Variants in TMC1 observed in about 807,000 individuals in gnomAD.
The protein encoded by TMC1 is transmembrane channel like 1.
TMC1 carries 84 observed loss-of-function variants against 105.8 expected under a neutral mutation model. That is an observed-to-expected ratio of 0.79 (90% confidence interval 0.67 to 0.95). The LOEUF is 0.95. TMC1 is among the 40% of genes least tolerant of loss of function. The pLI, the probability that TMC1 is intolerant of heterozygous loss-of-function variation, is 0.00. For synonymous variants in TMC1, 315 were observed against 311.5 expected, an observed-to-expected ratio of 1.01 and a Z score of -0.12; for missense variants, 817 against 914.1, an observed-to-expected ratio of 0.89 and a Z score of 1.37.
At chr9:72,753,450 GA>G (rs1362816831) in intron 11 of TMC1, among the ~76,000 whole-genome samples, 1 of 152,098 alleles carries the variant, frequency 6.6e-6, no homozygotes, top group Non-Finnish European at 1.5e-5. Context: ...TCCATGTGGA[GA>G]AAATGAAAGG....
rs1828864557 is a variant in TMC1, at chr9:72,821,080, A to G, written c.2002A>G (p.Ser668Gly). 1.2e-6 allele frequency: 2 copies of G among 1,614,094 alleles called. No individual in the cohort carries two copies. Among genetic ancestry groups the G allele is most frequent in the Non-Finnish European group, 1.7e-6 (2 of 1,180,010 alleles). Residue 668 changes from serine to glycine, a missense_variant and splice_region_variant, in exon 20 of 24, where the codon AGT becomes GGT. Physicochemically the swap from Ser to Gly is moderately conservative, Grantham distance 56. Coordinates refer to ENST00000297784, the MANE Select transcript of TMC1 (RefSeq NM_138691.3). ...LPPSFDCGPF[S>G]GKNRMFEVIG... ...ACCATCTTTTGATTGTGGTCCATTC[A>G]GGTCTCTTGCTTTTGAAATTTGACT...
chr9:72,593,309 TG>T (rs1310867032), intron 2 of TMC1, among the ~76,000 whole-genome samples: 2 of 151,660 alleles, frequency 1.3e-5, no homozygotes, highest in Non-Finnish European at 2.9e-5. Context: ...GAGGCCATGG[TG>T]GAAGGATCGC....
At chr9:72,685,273 AT>A (rs1252267421) in intron 5 of TMC1, among the ~76,000 whole-genome samples, 1 of 150,190 alleles carries the variant, frequency 6.7e-6, no homozygotes, top group African/African-American at 2.5e-5. Flanking sequence ...CACCCGGATA[AT>A]TTTTTATATT....
chr9:72,762,783 C>A (rs149322271), intron 12 of TMC1, among the ~76,000 whole-genome samples: 1 of 152,124 alleles, frequency 6.6e-6, no homozygotes, highest in African/African-American at 2.4e-5. Context: ...AGGCATGTAA[C>A]GCTGGGACTG....
At chr9:72,717,560 A>G (rs985724180) in intron 8 of TMC1, among the ~76,000 whole-genome samples, 2 of 152,146 alleles carry the variant, frequency 1.3e-5, no homozygotes, top group African/African-American at 2.4e-5. Flanking sequence ...TCATTTATGA[A>G]GCTTAGGATA....
intron 8 of TMC1, among the ~76,000 whole-genome samples, chr9:72,729,208 A>G (rs1234032925): frequency 2.0e-5 from 3 of 152,124 alleles, no homozygotes; most frequent in African/African-American, 7.2e-5. Flanking sequence ...TAGAGAAAAA[A>G]AATTCCCTTA....
intron 13 of TMC1, among the ~76,000 whole-genome samples, chr9:72,775,276 T>C (rs955685582): frequency 6.6e-5 from 10 of 151,934 alleles, no homozygotes; most frequent in Non-Finnish European, 1.5e-5. Context: ...TCCTTTTCTT[T>C]CCAGGTCAGT....
chr9:72,821,031 C>A lies in TMC1; in HGVS notation c.1953C>A (p.Val651=). The part of the protein sequence containing the change: ...LLILFLSTMP[V]LYMIVSLPPS... ...TCCTCTTCCTGTCCACAATGCCTGT[C>A]TTGTACATGATCGTGTCCCTCCCAC... is the stretch of plus-strand genomic sequence containing the variant. The change falls in exon 20 of 24, where the codon GTC becomes GTA. Residue 651 remains valine, a synonymous_variant. Transcript: ENST00000297784. 6.2e-7 allele frequency: 1 copy of A among 1,614,186 alleles called. No individual in the cohort carries two copies.
At chr9:72,550,531 G>A (rs1016590992) in intron 1 of TMC1, among the ~76,000 whole-genome samples, 5 of 151,904 alleles carry the variant, frequency 3.3e-5, no homozygotes, top group Admixed American at 2.0e-4. Context: ...GCTGGCGGGC[G>A]CCTGTAATCC....
intron 4 of TMC1, among the ~76,000 whole-genome samples, chr9:72,637,712 C>T (rs1258422803): frequency 6.6e-6 from 1 of 152,138 alleles, no homozygotes. Flanking sequence ...TGTGTTTTGA[C>T]AGTTTGCCTG....
At chr9:72,725,346 T>TACATAC (rs1186566056) in intron 8 of TMC1, among the ~76,000 whole-genome samples, 1 of 122,160 alleles carries the variant, frequency 8.2e-6, no homozygotes, top group African/African-American at 3.2e-5. Flanking sequence ...TATATATATA[T>TACATAC]ATATATATAT....
chr9:72,783,915 A>T (rs1253319634), intron 13 of TMC1, among the ~76,000 whole-genome samples: 1 of 152,226 alleles, frequency 6.6e-6, no homozygotes, highest in African/African-American at 2.4e-5. Context: ...ACTTAAATGT[A>T]AAATCGAAAA....
chr9:72,587,160 C>CT (rs34700845), intron 2 of TMC1, among the ~76,000 whole-genome samples: 4,889 of 144,912 alleles, frequency 0.034, 106 homozygotes, highest in African/African-American at 0.048. Context: ...TAACAGATAA[C>CT]TTTTTTTTTT....
rs1049300113 is a variant in TMC1, at chr9:72,833,503, A to G, written c.2261-2448A>G. ...CATCCTTTCATTTTTCTTCACTGTC[A>G]TTCAACAGGATCTCTGTCACTTTAT... On this transcript the variant is annotated intron_variant, in intron 23 of 23. Coordinates refer to ENST00000297784, the MANE Select transcript of TMC1 (RefSeq NM_138691.3). Among the ~76,000 whole-genome samples, 4 of 152,236 alleles carry G rather than the reference A, an allele frequency of 2.6e-5. No homozygotes were observed. In the East Asian group the frequency reaches 5.8e-4, roughly 22 times the overall value.
At chr9:72,647,158 A>G (rs1315809103) in intron 4 of TMC1, among the ~76,000 whole-genome samples, 20 of 151,408 alleles carry the variant, frequency 1.3e-4, no homozygotes, top group South Asian at 4.2e-4. Flanking sequence ...AAAAAAAAAA[A>G]AGAGAGAGAA....
chr9:72,627,125 T>C (rs1302921313), intron 3 of TMC1, among the ~76,000 whole-genome samples: 1 of 151,856 alleles, frequency 6.6e-6, no homozygotes, highest in African/African-American at 2.4e-5. Flanking sequence ...TCATTTAAAA[T>C]AGTACCCAGT....
intron 10 of TMC1, among the ~76,000 whole-genome samples, chr9:72,743,314 C>T (rs1410353687): frequency 6.7e-6 from 1 of 149,108 alleles, no homozygotes; most frequent in Non-Finnish European, 1.5e-5. Flanking sequence ...TTGCAGTGAG[C>T]CGAGATCCCG....
chr9:72,649,112 G>A (rs752897199), intron 5 of TMC1, among the ~76,000 whole-genome samples: 3 of 152,190 alleles, frequency 2.0e-5, no homozygotes, highest in Non-Finnish European at 4.4e-5. Flanking sequence ...AGCAGGTAAA[G>A]TCAGGGATAG....
chr9:72,726,540 C>T (rs1347918649), intron 8 of TMC1, among the ~76,000 whole-genome samples: 2 of 152,162 alleles, frequency 1.3e-5, no homozygotes, highest in Non-Finnish European at 2.9e-5. Context: ...GTGCACTTAC[C>T]CAAGCTGTGT....
Sources: allele counts gnomAD v4.1 joint callset (sites outside exome capture counted in the v4.1 genomes callset), GRCh38; gene constraint gnomAD v4.1.1; transcripts MANE v1.5; gene names NCBI Gene and HGNC (gene_info 2026-07-23, HGNC 2026-07-21).